Variants in ELAPOR1 observed in about 807,000 individuals in gnomAD.
ELAPOR1 encodes the protein endosome/lysosome-associated apoptosis and autophagy regulator 1.
A neutral mutation model predicts 119.7 loss-of-function variants in ELAPOR1; 77 were observed. The observed-to-expected ratio is 0.64, with a 90% CI of 0.54 to 0.78. The LOEUF (loss-of-function observed/expected upper bound fraction) is 0.78. Ranked by LOEUF, ELAPOR1 falls within the 30% of genes least tolerant of loss-of-function variation. The pLI is 0.00. For missense variants in ELAPOR1, 1,115 were observed against 1,270.4 expected, an observed-to-expected ratio of 0.88 and a Z score of 1.86; for synonymous variants, 481 against 487.2, an observed-to-expected ratio of 0.99 and a Z score of 0.17.
intron 3 of ELAPOR1, among the ~76,000 whole-genome samples, chr1:109,168,346 G>A (rs926860487): frequency 1.3e-5 from 2 of 152,352 alleles, no homozygotes; most frequent in African/African-American, 4.8e-5. Context: ...CAACTAGAAA[G>A]AGAATGCAAG....
At chr1:109,169,813 G>A (rs1462122476) in intron 3 of ELAPOR1, among the ~76,000 whole-genome samples, 3 of 152,226 alleles carry the variant, frequency 2.0e-5, no homozygotes, top group Non-Finnish European at 4.4e-5. Flanking sequence ...CAGTGTAGCA[G>A]TAGCTGGTAA....
chr1:109,135,576 G>A (rs1301020451), intron 1 of ELAPOR1, among the ~76,000 whole-genome samples: 1 of 152,166 alleles, frequency 6.6e-6, no homozygotes, highest in East Asian at 1.9e-4. Context: ...GTCTCCAGGG[G>A]CTACTGCTGC....
intron 1 of ELAPOR1, among the ~76,000 whole-genome samples, chr1:109,118,900 C>CTTGTTTTTTTTT (rs1553248605): frequency 7.8e-6 from 1 of 128,210 alleles, no homozygotes; most frequent in Non-Finnish European, 1.6e-5. Flanking sequence ...TTTGGTTCTT[C>CTTGTTTTTTTTT]TTTTTTTTTT....
At chr1:109,179,799 G>A (rs556263685) in intron 7 of ELAPOR1, among the ~76,000 whole-genome samples, 1 of 152,196 alleles carries the variant, frequency 6.6e-6, no homozygotes, top group East Asian at 1.9e-4. Context: ...CCAGCAACTT[G>A]GGAGGCTGAG....
intron 21 of ELAPOR1, among the ~76,000 whole-genome samples, chr1:109,201,878 T>G (rs1230382647): frequency 1.3e-5 from 2 of 152,030 alleles, no homozygotes; most frequent in Non-Finnish European, 2.9e-5. Flanking sequence ...GGCTGGAGGA[T>G]CTCTTGAGGC....
intron 3 of ELAPOR1, among the ~76,000 whole-genome samples, chr1:109,169,465 T>C (rs1303889409): frequency 1.3e-5 from 2 of 151,964 alleles, no homozygotes; most frequent in African/African-American, 2.4e-5. Context: ...GTCTCGATGG[T>C]CTCGAACTCC....
intron 1 of ELAPOR1, among the ~76,000 whole-genome samples, chr1:109,138,933 A>T (rs1570625953): frequency 6.6e-6 from 1 of 152,146 alleles, no homozygotes. Context: ...ATTCATCCAC[A>T]TGGTAATCAA....
At position 109,114,192 on chromosome 1, in the gene ELAPOR1, G is replaced by A. The variant is rs1647805711; in HGVS notation, c.9G>A (p.Glu3=). The part of the protein sequence containing the change: MA[E]PGHSHHLSAR... ...TCACTCAGGACAACGCTATGGCTGA[G>A]CCTGGGCACAGCCACCATCTCTCCG... is the stretch of plus-strand genomic sequence containing the variant. Residue 3 remains glutamate, a synonymous_variant, in exon 1 of 22, where the codon GAG becomes GAA. Coordinates refer to ENST00000369939, the MANE Select transcript of ELAPOR1 (RefSeq NM_020775.5). 6.2e-7 allele frequency: 1 copy of A among 1,600,278 alleles called. No homozygotes were observed.
intron 1 of ELAPOR1, among the ~76,000 whole-genome samples, chr1:109,130,266 C>T (rs370628230): frequency 3.2e-4 from 49 of 152,142 alleles, no homozygotes; most frequent in African/African-American, 1.1e-3. Flanking sequence ...CCCAGTGCAC[C>T]GGCACGTAGT....
chr1:109,186,539 C>T, intron 8 of ELAPOR1: 1 of 985,468 alleles, frequency 1.0e-6, no homozygotes, highest in Non-Finnish European at 1.2e-6. Context: ...ACACCACCTC[C>T]CCCACGTATT....
intron 8 of ELAPOR1, 25 bp downstream of exon 8, chr1:109,185,158 C>G (rs1273236440): frequency 6.4e-7 from 1 of 1,571,602 alleles, no homozygotes; most frequent in African/African-American, 1.3e-5. Context: ...CTTGGAGCCC[C>G]TTAGCCCCAG....
intron 1 of ELAPOR1, among the ~76,000 whole-genome samples, chr1:109,160,017 G>A (rs1651148169): frequency 6.6e-6 from 1 of 152,150 alleles, no homozygotes; most frequent in South Asian, 2.1e-4. Context: ...TCTGAGATGA[G>A]GAAAAGACAA....
intron 1 of ELAPOR1, among the ~76,000 whole-genome samples, chr1:109,143,745 A>G (rs1649972800): frequency 6.6e-6 from 1 of 150,962 alleles, no homozygotes; most frequent in African/African-American, 2.4e-5. Context: ...ACACTGCTCA[A>G]TGCAGCCTTG....
chr1:109,203,888 A>C lies in ELAPOR1; in HGVS notation c.*876A>C, dbSNP rs915344787. On this transcript the variant is annotated 3_prime_UTR_variant, in exon 22 of 22. Coordinates refer to ENST00000369939, the MANE Select transcript of ELAPOR1 (RefSeq NM_020775.5). ...GAGTGAGACTCTGCCTCAAAAAAAA[A>C]AAAAAAAAAAAAGAAAAGCACAAAG... 14 of 151,614 alleles carry C rather than the reference A, an allele frequency of 9.2e-5. No homozygotes were observed. The highest frequency in any genetic ancestry group is 3.4e-4 in the African/African-American group (14 of 41,422). The allele number at this position is 151,614 out of a possible 1,614,324, so 9.4% of individuals were successfully genotyped here.
intron 8 of ELAPOR1, chr1:109,186,590 C>T (rs1453428780): frequency 1.0e-6 from 1 of 985,338 alleles, no homozygotes; most frequent in Admixed American, 6.1e-5. Context: ...GAGAGAATGG[C>T]TGTGTCTTGT....
chr1:109,138,210 G>C (rs542657136), intron 1 of ELAPOR1, among the ~76,000 whole-genome samples: 5 of 152,296 alleles, frequency 3.3e-5, no homozygotes, highest in African/African-American at 9.6e-5. Context: ...ACATTTTAGA[G>C]ATGATTCTCC....
chr1:109,193,395 T>C (rs914744980), intron 14 of ELAPOR1, among the ~76,000 whole-genome samples: 4 of 152,132 alleles, frequency 2.6e-5, no homozygotes, highest in African/African-American at 9.7e-5. Flanking sequence ...CTCACATCTG[T>C]AATCCCAACA....
Position 109,182,356 on chromosome 1 carries a change from AT to A in ELAPOR1, c.953-2688del, listed in dbSNP as rs1558056779. 3.8e-4 allele frequency among the ~76,000 whole-genome samples: 42 copies of A among 111,126 alleles called. 1 individual carries two copies. In the East Asian group the frequency reaches 0.011, roughly 29 times the overall value. 72.9% of individuals were successfully genotyped at this position (111,126 alleles called of 152,430 possible). A position where few individuals can be genotyped will look rare whatever the true frequency, so the allele number is the denominator to read the frequency against. On this transcript the variant is annotated intron_variant, in intron 7 of 21. Transcript: ENST00000369939. ...AAAAATAATAATAATAATAATAATA[AT>A]AATAATTCCCAAACATGCAGGTAAT...
chr1:109,133,817 G>T (rs914297367), intron 1 of ELAPOR1, among the ~76,000 whole-genome samples: 9 of 152,188 alleles, frequency 5.9e-5, no homozygotes, highest in Admixed American at 1.3e-4. Flanking sequence ...GGCAAGATTT[G>T]TCCTGTTTCC....
Sources: allele counts gnomAD v4.1 joint callset (sites outside exome capture counted in the v4.1 genomes callset), GRCh38; gene constraint gnomAD v4.1.1; transcripts MANE v1.5; gene names NCBI Gene and HGNC (gene_info 2026-07-23, HGNC 2026-07-21).